PPT1: variants seen among roughly 807,000 people sequenced by gnomAD.
PPT1 encodes the protein palmitoyl-protein thioesterase 1, also known as ceroid-palmitoyl-palmitoyl-protein thioesterase 1.
In PPT1, 24 loss-of-function variants were observed where a neutral mutation model predicts 44.0. The observed-to-expected ratio is 0.54, with a 90% CI of 0.39 to 0.77. PPT1 has a LOEUF of 0.77. Ranked by LOEUF, PPT1 falls within the 30% of genes least tolerant of loss-of-function variation. PPT1 has a pLI of 0.00. For missense variants in PPT1, 341 were observed against 378.8 expected (o/e 0.90, Z 0.83); for synonymous variants, 148 against 140.2 (o/e 1.06, Z -0.39).
chr1:40,072,721 A>C lies in PPT1; in HGVS notation c.*1340T>G, dbSNP rs1648285974. On this transcript the variant is annotated 3_prime_UTR_variant, in exon 9 of 9. Transcript: ENST00000642050. ...CTGAAAACACCAAGGATAAGAAACT[A>C]CTCTTTATTTTAGACAACCTCATAA... 6.6e-6 allele frequency: 1 copy of C among 152,326 alleles called. No homozygotes were observed. The highest frequency in any genetic ancestry group is 2.4e-5 in the African/African-American group (1 of 41,352). The allele number at this position is 152,326 out of a possible 1,614,324, so 9.4% of individuals were successfully genotyped here.
At chr1:40,078,683 A>G in intron 6 of PPT1, 25 bp from the exon 7 acceptor site, 1 of 1,576,444 alleles carries the variant, frequency 6.3e-7, no homozygotes, top group Non-Finnish European at 8.7e-7. Context: ...AGCAACACCT[A>G]AGGTCATTAC....
At chr1:40,071,836 G>A, downstream of PPT1, 1 of 465,952 alleles carries the variant, frequency 2.1e-6, no homozygotes, top group Non-Finnish European at 3.8e-6. Context: ...GCTTTTGGGG[G>A]TTATTCTACC....
In PPT1 at chr1:40,080,483, C is replaced by G. The variant is rs148412181; in HGVS notation, c.541G>C (p.Val181Leu). Residue 181 changes from valine to leucine, a missense_variant, in exon 6 of 9, where the codon GTG becomes CTG. Physicochemically the swap from Val to Leu is conservative, Grantham distance 32 (BLOSUM62 1). Coordinates refer to ENST00000642050, the MANE Select transcript of PPT1 (RefSeq NM_000310.4). ...AYSKVVQERL[V>L]QAEYWHDPIK... ...GGGTCATGCCAGTATTCGGCTTGCA[C>G]GAGGCTGTAGGAAAAAAAAAGAATG... 2 of 1,613,306 alleles carry G rather than the reference C, an allele frequency of 1.2e-6. No homozygotes were observed. Among genetic ancestry groups the G allele is most frequent in the Non-Finnish European group, 1.7e-6 (2 of 1,179,756 alleles).
chr1:40,080,280 T>C lies in PPT1; in HGVS notation c.627+117A>G. 5 of 1,110,544 alleles carry C rather than the reference T, an allele frequency of 4.5e-6. No homozygotes were observed. In the Admixed American group the frequency reaches 8.6e-5, roughly 19 times the overall value. The allele number at this position is 1,110,544 out of a possible 1,614,324, so 68.8% of individuals were successfully genotyped here. A position where few individuals can be genotyped will look rare whatever the true frequency, so the allele number is the denominator to read the frequency against. Reference sequence around the variant, plus strand: ...CCTGCCTCCCAAAAAAAACAGAACTTCTCTTTCCTAGTGTCTGCCCAGGAC... The same window carrying C: ...CCTGCCTCCCAAAAAAAACAGAACTCCTCTTTCCTAGTGTCTGCCCAGGAC... On this transcript the variant is annotated intron_variant, in intron 6 of 8. Transcript: ENST00000642050.
chr1:40,093,304 G>T (rs755195449), intron 1 of PPT1, among the ~76,000 whole-genome samples: 1 of 152,168 alleles, frequency 6.6e-6, no homozygotes, highest in African/African-American at 2.4e-5. Flanking sequence ...CCTTTCATAG[G>T]ATAAATAAAG....
intron 5 of PPT1, among the ~76,000 whole-genome samples, chr1:40,086,905 T>C (rs938178805): frequency 6.6e-5 from 10 of 152,038 alleles, no homozygotes; most frequent in African/African-American, 2.4e-4. Context: ...TTACTTTCTT[T>C]TAAAATTTAC....
rs60593450 is a variant in PPT1 at position 40,090,336 on chromosome 1, G to GTATATA, written c.434-830_434-825dup. Among the ~76,000 whole-genome samples the GTATATA allele has an allele frequency of 1.8e-4, 27 of 151,002 alleles. 2 individuals are homozygous for GTATATA. The highest frequency in any genetic ancestry group is 1.5e-3 in the South Asian group (7 of 4,782). ...GCCCAGCTATCCTCCATTTTATCGT[G>GTATATA]TATATATATATATGTGTGTGTGTAT... On this transcript the variant is annotated intron_variant, in intron 4 of 8. Transcript: ENST00000642050.
In PPT1 at chr1:40,078,639, T is replaced by A; in HGVS notation, c.647A>T (p.Lys216Met). 6.2e-7 allele frequency: 1 copy of A among 1,613,814 alleles called. No individual in the cohort carries two copies. The highest frequency in any genetic ancestry group is 2.2e-5 in the East Asian group (1 of 44,870). The change falls in exon 7 of 9, where the codon AAG becomes ATG. Residue 216 changes from lysine (K) to methionine (M), a missense_variant. Physicochemically the swap from Lys to Met is moderately conservative, Grantham distance 95. Coordinates refer to ENST00000642050, the MANE Select transcript of PPT1 (RefSeq NM_000310.4). ...CTTCTTCAGGGCCATCAGGTTTTTC[T>A]TGTAGGACTCATTGATACCCTGAAA... ...NQERGINESY[K>M]KNLMALKKFV...
At chr1:40,088,384 A>T (rs1401080487) in intron 5 of PPT1, among the ~76,000 whole-genome samples, 1 of 152,166 alleles carries the variant, frequency 6.6e-6, no homozygotes, top group African/African-American at 2.4e-5. Context: ...TGACCTCATG[A>T]TCCACCTGCC....
Position 40,091,387 on chromosome 1 carries a change from AGCCACT to A in PPT1, c.369_374del (p.Val124_Ala125del). 6.2e-7 allele frequency: 1 copy of A among 1,613,892 alleles called. No individual in the cohort carries two copies. On this transcript the variant is annotated inframe_deletion, in exon 4 of 9. Transcript: ENST00000642050. Reference sequence around the variant, plus strand: ...TCATGGGAGGTGAAGGGCATCTCTGAGCCACTGCCCTCCTACGGAATAAAAGGGAGT... The same window carrying A: ...TCATGGGAGGTGAAGGGCATCTCTGAGCCCTCCTACGGAATAAAAGGGAGT...
At chr1:40,085,621 G>A (rs376011730) in intron 5 of PPT1, among the ~76,000 whole-genome samples, 2 of 152,090 alleles carry the variant, frequency 1.3e-5, no homozygotes, top group Non-Finnish European at 2.9e-5. Context: ...CATCAACACC[G>A]AGGCAAGACC....
At chr1:40,089,186 G>A (rs368803547) in intron 5 of PPT1, among the ~76,000 whole-genome samples, 6 of 149,186 alleles carry the variant, frequency 4.0e-5, no homozygotes, top group East Asian at 4.0e-4. Context: ...ACTCGGAGGC[G>A]GAGGCAGGAG....
chr1:40,078,760 GT>G (rs1336848504), intron 6 of PPT1, 102 bp from the exon 7 acceptor site: 1 of 973,524 alleles, frequency 1.0e-6, no homozygotes, highest in African/African-American at 1.6e-5. Flanking sequence ...GTGCCACTGT[GT>G]TTCTTCCCCA....
chr1:40,080,788 T>A (rs931043556), intron 5 of PPT1, among the ~76,000 whole-genome samples: 1 of 152,078 alleles, frequency 6.6e-6, no homozygotes, highest in Non-Finnish European at 1.5e-5. Context: ...GCAGGAGAAC[T>A]GCTAGAACCC....
chr1:40,085,558 G>A (rs1480632298), intron 5 of PPT1, among the ~76,000 whole-genome samples: 1 of 152,072 alleles, frequency 6.6e-6, no homozygotes, highest in Admixed American at 6.5e-5. Flanking sequence ...ACCCTGTGGG[G>A]CTGGACCCTA....
At chr1:40,090,440 G>GTA (rs146116793) in intron 4 of PPT1, among the ~76,000 whole-genome samples, 97,934 of 151,218 alleles carry the variant, frequency 0.65, 32,587 homozygotes, top group Non-Finnish European at 0.73. Context: ...GTGCATATGT[G>GTA]TATATATATG....
intron 8 of PPT1, among the ~76,000 whole-genome samples, chr1:40,075,424 A>G (rs1648564449): frequency 6.6e-6 from 1 of 151,848 alleles, no homozygotes; most frequent in African/African-American, 2.4e-5. Context: ...GCCGTGGCCA[A>G]CATCATTTTG....
rs757322135 is a variant in PPT1 at position 40,092,366 on chromosome 1, C to A, written c.234+32G>T. On this transcript the variant is annotated intron_variant, in intron 2 of 8. Coordinates refer to ENST00000642050, the MANE Select transcript of PPT1 (RefSeq NM_000310.4). ...TATATGCTATGAAATCAGTCAGCAA[C>A]CCTTCAAAGGAACAGCTGTGAAGCG... 3 of 1,557,794 alleles carry A rather than the reference C, an allele frequency of 1.9e-6. No individual in the cohort carries two copies. In the East Asian group the frequency reaches 6.7e-5, roughly 35 times the overall value.
chr1:40,086,296 C>A (rs187240378), intron 5 of PPT1, among the ~76,000 whole-genome samples: 1 of 152,252 alleles, frequency 6.6e-6, no homozygotes, highest in East Asian at 1.9e-4. Flanking sequence ...GAAGGGCTGA[C>A]AGCATCTGCA....
Sources: allele counts gnomAD v4.1 joint callset (sites outside exome capture counted in the v4.1 genomes callset), GRCh38; gene constraint gnomAD v4.1.1; transcripts MANE v1.5; gene names NCBI Gene and HGNC (gene_info 2026-07-23, HGNC 2026-07-21).